Variants in FSD1L observed in about 807,000 individuals in gnomAD.
FSD1L encodes the protein fibronectin type III and SPRY domain containing 1 like.
Under a neutral mutation model 71.6 loss-of-function variants are expected in FSD1L, and 45 were observed. The observed-to-expected ratio is 0.63, with a 90% CI of 0.49 to 0.81. The LOEUF is 0.81. FSD1L is among the 30% of genes least tolerant of loss of function. The pLI is 0.00. For synonymous variants in FSD1L, 197 were observed against 207.2 expected (o/e 0.95, Z 0.42); for missense variants, 561 against 618.1 (o/e 0.91, Z 0.98).
At position 105,495,981 on chromosome 9, in the gene FSD1L, A is replaced by G. The variant is rs949045963; in HGVS notation, c.587-10418A>G. Among the ~76,000 whole-genome samples, 6 of 152,110 alleles carry G rather than the reference A, an allele frequency of 3.9e-5. No individual in the cohort carries two copies. The East Asian group carries it at 7.7e-4, about 20-fold the overall frequency. ...GTGAGACTCCATCTAAAAAAAAAAA[A>G]AAAAGAAAAGGAATTCTGTGTAGTC... On this transcript the variant is annotated intron_variant, in intron 7 of 13. Transcript: ENST00000481272.
intron 10 of FSD1L, chr9:105,521,817 G>A: frequency 3.1e-6 from 5 of 1,612,502 alleles, no homozygotes; most frequent in Non-Finnish European, 3.4e-6. Flanking sequence ...AAACATACGA[G>A]CTGGTACCCA....
At position 105,523,194 on chromosome 9, in the gene FSD1L, G is replaced by A. The variant is rs183915964; in HGVS notation, c.1025+10258G>A. On this transcript the variant is annotated intron_variant, in intron 10 of 13. Coordinates refer to ENST00000481272, the MANE Select transcript of FSD1L (RefSeq NM_001145313.3). ...TCAGCAAGCTTTCTCTGCTGAAGTT[G>A]CAACTATTACTGGTTCAGAAAGTGC... is the stretch of plus-strand genomic sequence containing the variant. 1.8e-4 allele frequency: 297 copies of A among 1,613,506 alleles called. 1 individual carries two copies. In the African/African-American group the frequency reaches 3.5e-3, roughly 19 times the overall value.
intron 1 of FSD1L, 110 bp downstream of exon 1, chr9:105,448,345 C>T (rs940330558): frequency 3.8e-6 from 4 of 1,055,098 alleles, no homozygotes; most frequent in South Asian, 3.9e-5. Flanking sequence ...CCTGGCCGGG[C>T]GTCCGGGCTG....
Position 105,535,254 on chromosome 9 carries a change from T to C in FSD1L, c.1314T>C (p.Asn438=). ...ACACATTTGCAGCAAAGCATAATAA[T>C]AAAGTCAAAGCTTTGGATGTTACTG... ...LQNTFAAKHN[N]KVKALDVTVP... is the part of the protein sequence containing the mutation. Residue 438 remains asparagine, a synonymous_variant, in exon 12 of 14, where the codon AAT becomes AAC. Transcript: ENST00000481272. The C allele has an allele frequency of 6.4e-7, 1 of 1,551,768 alleles. No individual in the cohort carries two copies. The highest frequency in any genetic ancestry group is 8.7e-7 in the Non-Finnish European group (1 of 1,146,958).
At chr9:105,457,850 C>T (rs998860229) in intron 1 of FSD1L, among the ~76,000 whole-genome samples, 14 of 152,242 alleles carry the variant, frequency 9.2e-5, no homozygotes, top group South Asian at 2.1e-4. Flanking sequence ...CGGGCAGCTC[C>T]GGGCACTGGC....
rs551324002 is a variant in FSD1L, at chr9:105,514,476, C to T, written c.1025+1540C>T. ...GGATTTATAGGGATAAACACTGTCT[C>T]TGCTTTCAAGAAATTTGCCCTAACT... On this transcript the variant is annotated intron_variant, in intron 10 of 13. Coordinates refer to ENST00000481272, the MANE Select transcript of FSD1L (RefSeq NM_001145313.3). Among the ~76,000 whole-genome samples the T allele has an allele frequency of 3.9e-5, 6 of 152,286 alleles. No individual in the cohort carries two copies. In the South Asian group the frequency reaches 1.2e-3, roughly 32 times the overall value.
intron 4 of FSD1L, among the ~76,000 whole-genome samples, chr9:105,471,199 T>A (rs894571889): frequency 3.3e-5 from 5 of 152,238 alleles, no homozygotes; most frequent in African/African-American, 9.6e-5. Context: ...GTCTTTTGCA[T>A]ATTGAGTGTG....
intron 5 of FSD1L, among the ~76,000 whole-genome samples, chr9:105,476,982 C>G (rs1365884775): frequency 6.6e-6 from 1 of 152,130 alleles, no homozygotes; most frequent in African/African-American, 2.4e-5. Flanking sequence ...TGGGTATATT[C>G]TATGTAAATG....
intron 1 of FSD1L, among the ~76,000 whole-genome samples, chr9:105,458,242 G>C (rs973075822): frequency 3.3e-5 from 5 of 152,196 alleles, no homozygotes. Context: ...TAGGCCCTTA[G>C]AAGTGTTGCT....
At chr9:105,461,753 C>A in intron 2 of FSD1L, 138 bp downstream of exon 2, 1 of 569,968 alleles carries the variant, frequency 1.8e-6, no homozygotes, top group Non-Finnish European at 3.1e-6. Context: ...AGGGATCATG[C>A]CTGTAATCCC....
chr9:105,462,748 C>A (rs1032473516), intron 2 of FSD1L, among the ~76,000 whole-genome samples: 27 of 149,188 alleles, frequency 1.8e-4, no homozygotes, highest in Non-Finnish European at 1.5e-4. Context: ...GTCTCAAACT[C>A]CTGACCTCAA....
chr9:105,532,565 T>G (rs147878695), intron 10 of FSD1L, among the ~76,000 whole-genome samples: 215 of 152,340 alleles, frequency 1.4e-3, no homozygotes, highest in African/African-American at 4.9e-3. Flanking sequence ...TTCTGGAATT[T>G]TCCCCCCTCA....
intron 1 of FSD1L, among the ~76,000 whole-genome samples, chr9:105,457,858 G>T (rs1305923928): frequency 6.6e-6 from 1 of 152,240 alleles, no homozygotes; most frequent in Non-Finnish European, 1.5e-5. Flanking sequence ...TCCGGGCACT[G>T]GCACAGTCAC....
At chr9:105,481,884 C>T (rs1832227502) in intron 6 of FSD1L, among the ~76,000 whole-genome samples, 1 of 151,888 alleles carries the variant, frequency 6.6e-6, no homozygotes, top group African/African-American at 2.4e-5. Flanking sequence ...GGGGCCCTTC[C>T]ACCTCTGCCG....
At position 105,452,673 on chromosome 9, in the gene FSD1L, T is replaced by TG. The variant is rs1564073401; in HGVS notation, c.15+4438_15+4439insG. On this transcript the variant is annotated intron_variant, in intron 1 of 13. Transcript: ENST00000481272. ...TGCCTGCCTGCCTGCCTGCCTGCCTTCCTTCCTTCCTTCCTTCCTTCCTTC... is the reference window on the plus strand; with the variant it reads ...TGCCTGCCTGCCTGCCTGCCTGCCTTGCCTTCCTTCCTTCCTTCCTTCCTTC... Among the ~76,000 whole-genome samples the TG allele has an allele frequency of 9.1e-3, 723 of 79,530 alleles. 6 individuals are homozygous for TG. The highest frequency in any genetic ancestry group is 0.037 in the East Asian group (80 of 2,150). 52.2% of individuals were successfully genotyped at this position (79,530 alleles called of 152,430 possible).
intron 10 of FSD1L, chr9:105,530,425 T>C (rs1265360158): frequency 4.0e-6 from 2 of 501,164 alleles, no homozygotes; most frequent in East Asian, 3.3e-5. Flanking sequence ...TTAACTTTTC[T>C]CTGAAATTAA....
At chr9:105,531,388 T>C (rs1835885883) in intron 10 of FSD1L, among the ~76,000 whole-genome samples, 1 of 152,202 alleles carries the variant, frequency 6.6e-6, no homozygotes, top group Non-Finnish European at 1.5e-5. Context: ...CAAAACAAAA[T>C]CTTGTTGACT....
Position 105,525,866 on chromosome 9 carries a change from C to T in FSD1L, c.1026-8627C>T, listed in dbSNP as rs1196958192. On this transcript the variant is annotated intron_variant, in intron 10 of 13. Transcript: ENST00000481272. Reference sequence around the variant, plus strand: ...GGATTGACCACTCCATATTTTGCTACCTCTACAGTAGAAGTAATATTTCAC... The same window carrying T: ...GGATTGACCACTCCATATTTTGCTATCTCTACAGTAGAAGTAATATTTCAC... 4.4e-6 allele frequency: 7 copies of T among 1,579,232 alleles called. No homozygotes were observed. The African/African-American group carries it at 5.4e-5, about 12-fold the overall frequency.
chr9:105,443,798 G>C (rs1829583927), upstream of FSD1L, among the ~76,000 whole-genome samples: 1 of 152,170 alleles, frequency 6.6e-6, no homozygotes, highest in African/African-American at 2.4e-5. Context: ...GGTTTCTATG[G>C]TTGGGAAGAG....
Sources: gnomAD v4.1 joint callset for allele counts (sites outside exome capture counted in the v4.1 genomes callset) on GRCh38, gnomAD v4.1.1 for gene constraint, MANE v1.5 for transcripts, NCBI Gene and HGNC (gene_info 2026-07-23, HGNC 2026-07-21) for gene names.